Variants in ZCCHC10 observed in about 807,000 individuals in gnomAD.
The protein encoded by ZCCHC10 is zinc finger CCHC domain-containing protein 10.
A neutral mutation model predicts 19.5 loss-of-function variants in ZCCHC10; 16 were observed. That is an observed-to-expected ratio of 0.82 (90% confidence interval 0.56 to 1.25). ZCCHC10 has a LOEUF of 1.25. Ranked by LOEUF, ZCCHC10 falls within the 50% of genes most tolerant of loss-of-function variation. ZCCHC10 has a pLI of 0.00. For missense variants in ZCCHC10, 197 were observed against 201.0 expected (o/e 0.98, Z 0.12); for synonymous variants, 67 against 72.5 (o/e 0.92, Z 0.38).
chr5:133,006,712 T>C (rs1328626031), intron 3 of ZCCHC10, 47 bp downstream of exon 3: 10 of 1,533,498 alleles, frequency 6.5e-6, no homozygotes, highest in Admixed American at 2.1e-5. Flanking sequence ...ATAAATTCTA[T>C]ATACACATTA....
chr5:133,007,324 C>T (rs986630656), intron 2 of ZCCHC10, among the ~76,000 whole-genome samples: 11 of 151,966 alleles, frequency 7.2e-5, no homozygotes, highest in Admixed American at 1.3e-4. Context: ...AGGCGGATTA[C>T]GAGGTCAGGA....
intron 2 of ZCCHC10, among the ~76,000 whole-genome samples, chr5:133,010,049 A>ATTTTTT (rs770318980): frequency 0.27 from 37,222 of 137,818 alleles, 5,401 homozygotes; most frequent in East Asian, 0.38. Context: ...TGGGTCAGCA[A>ATTTTTT]TTTTTTTTTT....
At chr5:133,026,360 G>A (rs1581446959) in intron 1 of ZCCHC10, 137 bp downstream of exon 1, 5 of 1,270,058 alleles carry the variant, frequency 3.9e-6, no homozygotes, top group East Asian at 2.5e-5. Flanking sequence ...GCCCGGGCCC[G>A]AGCCCCCCGG....
At chr5:133,000,429 G>A (rs1339874362) in intron 3 of ZCCHC10, among the ~76,000 whole-genome samples, 2 of 152,154 alleles carry the variant, frequency 1.3e-5, no homozygotes, top group African/African-American at 4.8e-5. Flanking sequence ...AGTCAGGTAG[G>A]TTAGTAGTTA....
rs796192745 is a variant in ZCCHC10, at chr5:133,009,008, C to CT, written c.108-2089dup. 4.7e-3 allele frequency among the ~76,000 whole-genome samples: 662 copies of CT among 142,318 alleles called. 3 individuals are homozygous for CT. Among genetic ancestry groups the CT allele is most frequent in the African/African-American group, 0.01 (407 of 38,982 alleles). 93.4% of individuals were successfully genotyped at this position (142,318 alleles called of 152,430 possible). A position where few individuals can be genotyped will look rare whatever the true frequency, so the allele number is the denominator to read the frequency against. On this transcript the variant is annotated intron_variant, in intron 2 of 4. Transcript: ENST00000509437. Reference sequence around the variant, plus strand: ...AACTTGGGTGACAGAGGGAGATTCTCTTTTTTTTTTTTTTTAAAGATGAAG... The same window carrying CT: ...AACTTGGGTGACAGAGGGAGATTCTCTTTTTTTTTTTTTTTTAAAGATGAAG...
rs774574143 is a variant in ZCCHC10 at position 133,022,947 on chromosome 5, C to T, written c.42-41G>A. 2.9e-5 allele frequency: 14 copies of T among 489,346 alleles called. No homozygotes were observed. In the South Asian group the frequency reaches 4.3e-4, roughly 15 times the overall value. 30.3% of individuals were successfully genotyped at this position (489,346 alleles called of 1,614,324 possible). ...TTAACAAGGACAAAGGTAAGTCTGA[C>T]ACTTAAGTCCAGAAAATCAATACAA... On this transcript the variant is annotated intron_variant, in intron 1 of 4. Coordinates refer to ENST00000509437, the MANE Select transcript of ZCCHC10 (RefSeq NM_001300816.3).
chr5:133,025,618 GCTAT>G (rs1764650204), intron 1 of ZCCHC10, among the ~76,000 whole-genome samples: 1 of 151,830 alleles, frequency 6.6e-6, no homozygotes, highest in East Asian at 1.9e-4. Flanking sequence ...AGGCGTAATG[GCTAT>G]CTTTCAGTTC....
chr5:133,018,385 C>G (rs1764068496), intron 2 of ZCCHC10, among the ~76,000 whole-genome samples: 1 of 151,362 alleles, frequency 6.6e-6, no homozygotes, highest in Admixed American at 6.6e-5. Flanking sequence ...TGGGCTGAAG[C>G]AATCCTCCCT....
chr5:133,026,245 G>A (rs530184641), intron 1 of ZCCHC10, among the ~76,000 whole-genome samples: 4 of 152,350 alleles, frequency 2.6e-5, no homozygotes, highest in African/African-American at 9.6e-5. Context: ...TCCTTTCAGA[G>A]AAACCAAACG....
At chr5:133,023,062 G>A (rs1764430136) in intron 1 of ZCCHC10, among the ~76,000 whole-genome samples, 156 bp from the exon 2 acceptor site, 1 of 152,140 alleles carries the variant, frequency 6.6e-6, no homozygotes, top group Admixed American at 6.6e-5. Context: ...AAACAAGGGA[G>A]TAAGAAAGAA....
chr5:133,007,891 T>C (rs991449502), intron 2 of ZCCHC10, among the ~76,000 whole-genome samples: 1 of 152,104 alleles, frequency 6.6e-6, no homozygotes, highest in Non-Finnish European at 1.5e-5. Context: ...AGCTCAGAAC[T>C]AGAAAAGACC....
chr5:133,024,410 T>A lies in ZCCHC10; in HGVS notation c.42-1504A>T, dbSNP rs78494906. Among the ~76,000 whole-genome samples, 1,049 of 152,268 alleles carry A rather than the reference T, an allele frequency of 6.9e-3. 9 individuals are homozygous for A. The highest frequency in any genetic ancestry group is 0.024 in the African/African-American group (1,018 of 41,558). On this transcript the variant is annotated intron_variant, in intron 1 of 4. Coordinates refer to ENST00000509437, the MANE Select transcript of ZCCHC10 (RefSeq NM_001300816.3). ...TGTAATCCAATCTAGACCAAAGAAC[T>A]GCAATCAACTTGAAGCTGAGAGAAT...
intron 3 of ZCCHC10, among the ~76,000 whole-genome samples, chr5:133,001,755 C>T (rs1249365314): frequency 1.3e-5 from 2 of 152,068 alleles, no homozygotes; most frequent in Non-Finnish European, 2.9e-5. Flanking sequence ...CCACACATGG[C>T]CAATGTTTTT....
At chr5:133,009,753 ACT>A (rs997599797) in intron 2 of ZCCHC10, among the ~76,000 whole-genome samples, 25 of 152,024 alleles carry the variant, frequency 1.6e-4, no homozygotes, top group African/African-American at 6.0e-4. Flanking sequence ...AGGGAGATAA[ACT>A]CTGTGTCAGA....
chr5:133,004,205 G>A (rs1252895899), intron 3 of ZCCHC10, among the ~76,000 whole-genome samples: 9 of 145,894 alleles, frequency 6.2e-5, no homozygotes, highest in Non-Finnish European at 9.0e-5. Flanking sequence ...ATGGAGTTTC[G>A]CTCTCGTTGC....
intron 3 of ZCCHC10, among the ~76,000 whole-genome samples, chr5:133,005,096 G>A (rs1439116197): frequency 2.7e-5 from 4 of 148,500 alleles, no homozygotes; most frequent in Admixed American, 6.8e-5. Context: ...TCAGGAGATC[G>A]AGACCATCCT....
rs1581364346 is a variant in ZCCHC10, at chr5:132,998,352, T to C, written c.*231A>G. ...ATTTGCAGATTTCAGCTTTAAGTTC[T>C]AGAGATATATTTTAAAGATAAAAAA... On this transcript the variant is annotated 3_prime_UTR_variant, in exon 5 of 5. Transcript: ENST00000509437. 2.4e-6 allele frequency: 1 copy of C among 422,920 alleles called. No individual in the cohort carries two copies. Among genetic ancestry groups the C allele is most frequent in the Non-Finnish European group, 4.3e-6 (1 of 234,082 alleles). The allele number at this position is 422,920 out of a possible 1,614,324, so 26.2% of individuals were successfully genotyped here.
rs1293747480 is a variant in ZCCHC10, at chr5:132,998,143, C to A, written c.*440G>T. ...AGCACATTTATTAATAGTAGGAAAACTCCTAAGCTTACAGTAACAACATAT... is the reference window on the plus strand; with the variant it reads ...AGCACATTTATTAATAGTAGGAAAAATCCTAAGCTTACAGTAACAACATAT... On this transcript the variant is annotated 3_prime_UTR_variant, in exon 5 of 5. Transcript: ENST00000509437. 1 of 157,668 alleles carries A rather than the reference C, an allele frequency of 6.3e-6. No individual in the cohort carries two copies. The highest frequency in any genetic ancestry group is 1.4e-5 in the Non-Finnish European group (1 of 71,184). The allele number at this position is 157,668 out of a possible 1,614,324, so 9.8% of individuals were successfully genotyped here. A position where few individuals can be genotyped will look rare whatever the true frequency, so the allele number is the denominator to read the frequency against.
intron 2 of ZCCHC10, among the ~76,000 whole-genome samples, chr5:133,021,798 AC>A (rs1764329991): frequency 7.4e-6 from 1 of 134,706 alleles, no homozygotes; most frequent in African/African-American, 3.1e-5. Context: ...TTACTTTATA[AC>A]TTTTTTTTTT....
Sources: allele counts gnomAD v4.1 joint callset (sites outside exome capture counted in the v4.1 genomes callset), GRCh38; gene constraint gnomAD v4.1.1; transcripts MANE v1.5; gene names NCBI Gene and HGNC (gene_info 2026-07-23, HGNC 2026-07-21).